MTHFD2L: variants seen among roughly 807,000 people sequenced by gnomAD.
MTHFD2L encodes the protein methylenetetrahydrofolate dehydrogenase (NADP+ dependent) 2 like.
Under a neutral mutation model 34.9 loss-of-function variants are expected in MTHFD2L, and 29 were observed. That is an observed-to-expected ratio of 0.83 (90% CI 0.62 to 1.13). The LOEUF is 1.13. Ranked by LOEUF, MTHFD2L falls within the 50% of genes most tolerant of loss-of-function variation. MTHFD2L has a pLI of 0.00. For missense variants in MTHFD2L, 481 were observed against 446.5 expected, an observed-to-expected ratio of 1.08 and a Z score of -0.70; for synonymous variants, 167 against 155.7, an observed-to-expected ratio of 1.07 and a Z score of -0.54.
intron 5 of MTHFD2L, among the ~76,000 whole-genome samples, chr4:74,214,010 T>G (rs1736780552): frequency 6.6e-6 from 1 of 151,816 alleles, no homozygotes. Flanking sequence ...TGCTATTGAT[T>G]CTTGTGTATG....
At chr4:74,139,666 C>T (rs1245274845) in intron 1 of MTHFD2L, among the ~76,000 whole-genome samples, 1 of 152,044 alleles carries the variant, frequency 6.6e-6, no homozygotes, top group East Asian at 1.9e-4. Context: ...AAGTTTTTTT[C>T]ACTTCTTTGT....
chr4:74,271,811 G>C (rs948402881), intron 6 of MTHFD2L, among the ~76,000 whole-genome samples: 2 of 152,164 alleles, frequency 1.3e-5, no homozygotes, highest in African/African-American at 4.8e-5. Context: ...AGCATGGAAT[G>C]TTCTTTCATT....
chr4:74,206,882 T>G (rs1735421403), intron 5 of MTHFD2L, among the ~76,000 whole-genome samples: 1 of 152,148 alleles, frequency 6.6e-6, no homozygotes, highest in South Asian at 2.1e-4. Context: ...AGATTTTATT[T>G]CATATTCTTT....
At chr4:74,184,374 G>A (rs951790422) in intron 3 of MTHFD2L, among the ~76,000 whole-genome samples, 3 of 152,098 alleles carry the variant, frequency 2.0e-5, no homozygotes, top group East Asian at 1.9e-4. Context: ...AGCTGGAAGA[G>A]CTATTTAATA....
rs149738539 is a variant in MTHFD2L at position 74,279,692 on chromosome 4, G to A, written c.806-1733G>A. 2.7e-3 allele frequency among the ~76,000 whole-genome samples: 413 copies of A among 152,144 alleles called. 3 individuals carry two copies. Among genetic ancestry groups the A allele is most frequent in the African/African-American group, 9.6e-3 (397 of 41,506 alleles). ...TTTTTATCTTGAACTTTTTTCTGCA[G>A]CTATACTCAATGTATGTCTTCTTTT... On this transcript the variant is annotated intron_variant, in intron 6 of 7. Coordinates refer to ENST00000325278, the MANE Select transcript of MTHFD2L (RefSeq NM_001144978.3).
At chr4:74,159,481 T>G (rs943597206) in intron 1 of MTHFD2L, among the ~76,000 whole-genome samples, 1 of 152,238 alleles carries the variant, frequency 6.6e-6, no homozygotes, top group African/African-American at 2.4e-5. Context: ...TTCAGTTGTT[T>G]TAGGGGTGCT....
At chr4:74,224,987 C>T (rs547869535) in intron 5 of MTHFD2L, among the ~76,000 whole-genome samples, 1 of 152,134 alleles carries the variant, frequency 6.6e-6, no homozygotes, top group South Asian at 2.1e-4. Context: ...CAATGAGTAT[C>T]CTGTATACTA....
intron 3 of MTHFD2L, chr4:74,194,187 A>G (rs1283876093): frequency 1.3e-5 from 2 of 152,142 alleles, no homozygotes; most frequent in Non-Finnish European, 2.9e-5. Context: ...ATTCAGAGAT[A>G]CAGAATTTGT....
intron 6 of MTHFD2L, among the ~76,000 whole-genome samples, chr4:74,234,339 AT>A (rs1740525431): frequency 1.3e-5 from 2 of 152,060 alleles, no homozygotes; most frequent in African/African-American, 4.8e-5. Context: ...AGATGTGAAT[AT>A]TATGTATATT....
chr4:74,139,791 G>A (rs1285322109), intron 1 of MTHFD2L, among the ~76,000 whole-genome samples: 1 of 151,734 alleles, frequency 6.6e-6, no homozygotes, highest in Non-Finnish European at 1.5e-5. Flanking sequence ...TTTTCCTTTG[G>A]GTCAAAAATA....
chr4:74,152,252 T>C (rs1723985251), intron 1 of MTHFD2L, among the ~76,000 whole-genome samples: 2 of 152,116 alleles, frequency 1.3e-5, no homozygotes, highest in African/African-American at 2.4e-5. Flanking sequence ...GGAAAGATTT[T>C]TAGTATGACT....
At chr4:74,166,754 C>G (rs551644703) in intron 1 of MTHFD2L, among the ~76,000 whole-genome samples, 1 of 152,216 alleles carries the variant, frequency 6.6e-6, no homozygotes, top group African/African-American at 2.4e-5. Context: ...AGCTGAGCCT[C>G]TGCAGACTTA....
intron 6 of MTHFD2L, among the ~76,000 whole-genome samples, chr4:74,239,071 A>AT (rs1741299315): frequency 6.6e-6 from 1 of 152,302 alleles, no homozygotes; most frequent in South Asian, 2.1e-4. Context: ...AATAGCAAAA[A>AT]CTTGGAACCA....
intron 6 of MTHFD2L, chr4:74,241,576 A>G: frequency 2.2e-6 from 1 of 448,970 alleles, no homozygotes; most frequent in South Asian, 1.6e-5. Context: ...GAGAGATTTC[A>G]CCATTTTGCC....
At chr4:74,205,671 T>C (rs1041498415) in intron 5 of MTHFD2L, among the ~76,000 whole-genome samples, 1 of 152,130 alleles carries the variant, frequency 6.6e-6, no homozygotes, top group Non-Finnish European at 1.5e-5. Flanking sequence ...GTGCTGACAC[T>C]CAATACAACA....
At chr4:74,266,296 G>T (rs1380165247) in intron 6 of MTHFD2L, among the ~76,000 whole-genome samples, 1 of 152,032 alleles carries the variant, frequency 6.6e-6, no homozygotes. Flanking sequence ...CATCTGATTT[G>T]GTCCTTGTCC....
intron 1 of MTHFD2L, among the ~76,000 whole-genome samples, chr4:74,126,434 G>A (rs748617622): frequency 2.6e-5 from 4 of 152,112 alleles, no homozygotes; most frequent in Non-Finnish European, 5.9e-5. Flanking sequence ...GTGATGTGGG[G>A]AGGGATGTTT....
intron 1 of MTHFD2L, among the ~76,000 whole-genome samples, chr4:74,134,954 A>G (rs1722803802): frequency 6.6e-6 from 1 of 152,152 alleles, no homozygotes; most frequent in Non-Finnish European, 1.5e-5. Flanking sequence ...AGAGAAGGCC[A>G]CTTACAAGAT....
intron 1 of MTHFD2L, chr4:74,125,536 C>A (rs1002102514): frequency 6.6e-6 from 1 of 152,140 alleles, no homozygotes; most frequent in Non-Finnish European, 1.5e-5. Context: ...GTTTTTCCCA[C>A]TTTCTCAAAT....
Sources: allele counts gnomAD v4.1 joint callset (sites outside exome capture counted in the v4.1 genomes callset), GRCh38; gene constraint gnomAD v4.1.1; transcripts MANE v1.5; gene names NCBI Gene and HGNC (gene_info 2026-07-23, HGNC 2026-07-21).